Variants in CHSY3 observed in about 807,000 individuals in gnomAD.
CHSY3 encodes chondroitin sulfate synthase 3.
In CHSY3, 35 loss-of-function variants were observed where a neutral mutation model predicts 67.2. The ratio of observed to expected loss-of-function variants is 0.52; its 90% CI spans 0.40 to 0.69. The LOEUF (loss-of-function observed/expected upper bound fraction) is 0.69, where lower values mean the gene tolerates loss of function less well. Ranked by LOEUF, CHSY3 falls within the 30% of genes least tolerant of loss-of-function variation. The pLI, the probability that CHSY3 is intolerant of heterozygous loss-of-function variation, is 0.00. For missense variants in CHSY3, 1,069 were observed against 1,138.5 expected (o/e 0.94, Z 0.88); for synonymous variants, 474 against 434.7 (o/e 1.09, Z -1.12).
chr5:130,020,461 AT>A (rs1196155924), intron 2 of CHSY3, among the ~76,000 whole-genome samples: 59 of 79,868 alleles, frequency 7.4e-4, no homozygotes, highest in African/African-American at 2.4e-3. Flanking sequence ...ATATATATAT[AT>A]TTTTTTTTTT....
At position 130,087,630 on chromosome 5, in the gene CHSY3, G is replaced by C. The variant is rs184691927; in HGVS notation, c.1087-96599G>C. Among the ~76,000 whole-genome samples, 369 of 151,946 alleles carry C rather than the reference G, an allele frequency of 2.4e-3. 13 individuals are homozygous for C. The East Asian group carries it at 0.057, about 24-fold the overall frequency. On this transcript the variant is annotated intron_variant, in intron 2 of 2. Transcript: ENST00000305031. The stretch of plus-strand genomic sequence containing the variant: ...CTCCCATTCACAATTGCTTCAAAGA[G>C]AATAAAATACCTAGGAATCCAACTT...
At chr5:130,143,063 C>T (rs1452081311) in intron 2 of CHSY3, among the ~76,000 whole-genome samples, 6 of 152,276 alleles carry the variant, frequency 3.9e-5, no homozygotes, top group Admixed American at 2.0e-4. Flanking sequence ...TTCACCATAG[C>T]GCATTGCTAG....
chr5:130,087,256 A>G (rs1467800957), intron 2 of CHSY3, among the ~76,000 whole-genome samples: 2 of 152,132 alleles, frequency 1.3e-5, no homozygotes, highest in Non-Finnish European at 2.9e-5. Flanking sequence ...CCCACAGCCA[A>G]TATCATACTG....
At chr5:130,086,362 T>C (rs1464784506) in intron 2 of CHSY3, among the ~76,000 whole-genome samples, 1 of 152,092 alleles carries the variant, frequency 6.6e-6, no homozygotes, top group Non-Finnish European at 1.5e-5. Flanking sequence ...TACCATTATA[T>C]AATGGCTTTC....
chr5:129,963,304 G>C (rs567143404), intron 2 of CHSY3, among the ~76,000 whole-genome samples: 30 of 152,094 alleles, frequency 2.0e-4, no homozygotes, highest in African/African-American at 6.7e-4. Flanking sequence ...TTACTTGATT[G>C]TTAGGGTAGG....
intron 2 of CHSY3, among the ~76,000 whole-genome samples, chr5:129,978,385 C>T (rs757583779): frequency 2.0e-5 from 3 of 152,124 alleles, no homozygotes; most frequent in Admixed American, 6.5e-5. Flanking sequence ...TAGCTTCATT[C>T]ATATTTGTCC....
At chr5:130,153,029 G>A (rs1001238341) in intron 2 of CHSY3, among the ~76,000 whole-genome samples, 10 of 152,164 alleles carry the variant, frequency 6.6e-5, no homozygotes, top group African/African-American at 1.9e-4. Context: ...TCAGGAGTTC[G>A]AGACCAGCCT....
chr5:129,949,366 TAAA>T (rs1761957407), intron 2 of CHSY3, among the ~76,000 whole-genome samples: 1 of 152,124 alleles, frequency 6.6e-6, no homozygotes, highest in African/African-American at 2.4e-5. Flanking sequence ...AATAAATTTC[TAAA>T]GACATACAAC....
Position 129,968,482 on chromosome 5 carries a change from T to C in CHSY3, c.1086+60122T>C, listed in dbSNP as rs539355960. On this transcript the variant is annotated intron_variant, in intron 2 of 2. Coordinates refer to ENST00000305031, the MANE Select transcript of CHSY3 (RefSeq NM_175856.5). ...AATGTATTGTTCTACACTAAACCAT[T>C]TAGATGGGGAAGTTGAAACTTGGTA... Among the ~76,000 whole-genome samples the C allele has an allele frequency of 7.9e-5, 12 of 151,906 alleles. No homozygotes were observed. In the South Asian group the frequency reaches 2.1e-3, roughly 26 times the overall value.
chr5:130,016,038 C>G (rs1214258358), intron 2 of CHSY3, among the ~76,000 whole-genome samples: 1 of 152,098 alleles, frequency 6.6e-6, no homozygotes, highest in Non-Finnish European at 1.5e-5. Flanking sequence ...ACATTTAGGA[C>G]ATATTGACAC....
In CHSY3 at chr5:130,010,800, C is replaced by T. The variant is rs145901974; in HGVS notation, c.1086+102440C>T. Among the ~76,000 whole-genome samples the T allele has an allele frequency of 5.9e-3, 890 of 152,124 alleles. 4 individuals carry two copies. Among genetic ancestry groups the T allele is most frequent in the Non-Finnish European group, 8.8e-3 (597 of 67,990 alleles). On this transcript the variant is annotated intron_variant, in intron 2 of 2. Coordinates refer to ENST00000305031, the MANE Select transcript of CHSY3 (RefSeq NM_175856.5). ...TCAGAAATGACAGGGGACATTACCA[C>T]CAACCCACAGAAACACACACAAAAA...
intron 2 of CHSY3, among the ~76,000 whole-genome samples, chr5:130,070,066 A>G (rs1221184437): frequency 6.6e-6 from 1 of 152,064 alleles, no homozygotes; most frequent in Non-Finnish European, 1.5e-5. Context: ...AAAAGATCAC[A>G]TATCTAAGAA....
At chr5:130,111,248 A>G (rs1222323146) in intron 2 of CHSY3, among the ~76,000 whole-genome samples, 4 of 151,568 alleles carry the variant, frequency 2.6e-5, no homozygotes, top group Admixed American at 2.6e-4. Context: ...TCACATGCCA[A>G]TAATCTGCTA....
intron 2 of CHSY3, among the ~76,000 whole-genome samples, chr5:129,991,209 G>A (rs1763353413): frequency 6.6e-6 from 1 of 152,072 alleles, no homozygotes; most frequent in African/African-American, 2.4e-5. Flanking sequence ...GTGGCAAGGT[G>A]GGGAATTCAT....
rs375356206 is a variant in CHSY3, at chr5:130,106,705, T to C, written c.1087-77524T>C. 3.5e-4 allele frequency among the ~76,000 whole-genome samples: 53 copies of C among 151,694 alleles called. 1 individual carries two copies. In the South Asian group the frequency reaches 0.011, roughly 30 times the overall value. ...TTCATATTTGCATGACTCATTGTTATGTTGTCTGTCTCTAAACTTAAATTT... is the reference window on the plus strand; with the variant it reads ...TTCATATTTGCATGACTCATTGTTACGTTGTCTGTCTCTAAACTTAAATTT... On this transcript the variant is annotated intron_variant, in intron 2 of 2. Transcript: ENST00000305031.
Position 129,908,065 on chromosome 5 carries a change from T to C in CHSY3, c.803-12T>C. 6.2e-7 allele frequency: 1 copy of C among 1,606,336 alleles called. No homozygotes were observed. Among genetic ancestry groups the C allele is most frequent in the Non-Finnish European group, 8.5e-7 (1 of 1,176,402 alleles). On this transcript the variant is annotated splice_polypyrimidine_tract_variant and intron_variant, in intron 1 of 2. Transcript: ENST00000305031. ...TAAGGAGACATAGTAATTGTTGCCT[T>C]TCTTTTTGTAGGTGATAAATTAGAA...
chr5:130,148,013 A>G (rs1263002605), intron 2 of CHSY3, among the ~76,000 whole-genome samples: 2 of 151,964 alleles, frequency 1.3e-5, no homozygotes, highest in African/African-American at 4.8e-5. Context: ...CCCACCCTCC[A>G]TACTCCTGAA....
At chr5:129,946,467 A>G (rs757098866) in intron 2 of CHSY3, among the ~76,000 whole-genome samples, 2 of 152,222 alleles carry the variant, frequency 1.3e-5, no homozygotes, top group Admixed American at 6.5e-5. Flanking sequence ...TTGAAATTGT[A>G]TAAGTATTCA....
Position 130,185,188 on chromosome 5 carries a change from C to G in CHSY3, c.2046C>G (p.Pro682=), listed in dbSNP as rs1770378853. The change falls in exon 3 of 3, where the codon CCC becomes CCG. Residue 682 remains proline, a synonymous_variant. Transcript: ENST00000305031. ...TAAAAGGGTACCAGAACAAGTACCC[C>G]AAAGCAGAAATGACCCTGATCCCAA... ...ELIKGYQNKY[P]KAEMTLIPMK... The G allele has an allele frequency of 6.2e-7, 1 of 1,610,648 alleles. No homozygotes were observed. Among genetic ancestry groups the G allele is most frequent in the East Asian group, 2.2e-5 (1 of 44,860 alleles).
Sources: allele counts gnomAD v4.1 joint callset (sites outside exome capture counted in the v4.1 genomes callset), GRCh38; gene constraint gnomAD v4.1.1; transcripts MANE v1.5; gene names NCBI Gene and HGNC (gene_info 2026-07-23, HGNC 2026-07-21).